Variants in HACL1 observed in about 807,000 individuals in gnomAD.
HACL1 encodes 2-hydroxyacyl-CoA lyase 1.
Under a neutral mutation model 74.2 loss-of-function variants are expected in HACL1, and 64 were observed. That is an observed-to-expected ratio of 0.86 (90% confidence interval 0.70 to 1.06). HACL1 has a LOEUF of 1.06. Among genes scored for constraint, HACL1 ranks in the 50% least tolerant of loss-of-function variants. The pLI is 0.00. For missense variants in HACL1, 728 were observed against 719.7 expected (o/e 1.01, Z -0.13); for synonymous variants, 230 against 238.8 (o/e 0.96, Z 0.34).
intron 11 of HACL1, 80 bp downstream of exon 11, chr3:15,573,079 G>T: frequency 1.2e-6 from 1 of 807,110 alleles, no homozygotes; most frequent in Non-Finnish European, 2.2e-6. Flanking sequence ...CCGTTACCAA[G>T]TGAATCAAGA....
intron 2 of HACL1, among the ~76,000 whole-genome samples, chr3:15,598,791 T>G (rs560986353): frequency 3.3e-5 from 5 of 152,342 alleles, no homozygotes; most frequent in African/African-American, 1.2e-4. Flanking sequence ...CTACCCTTAG[T>G]TCAGGTACCA....
At chr3:15,600,095 G>A (rs2064166198) in intron 2 of HACL1, among the ~76,000 whole-genome samples, 1 of 152,190 alleles carries the variant, frequency 6.6e-6, no homozygotes, top group Non-Finnish European at 1.5e-5. Flanking sequence ...AATAAAGAAT[G>A]TCATTCAATA....
At chr3:15,565,252 A>AT (rs2063413593) in intron 14 of HACL1, among the ~76,000 whole-genome samples, 1 of 152,132 alleles carries the variant, frequency 6.6e-6, no homozygotes, top group African/African-American at 2.4e-5. Flanking sequence ...CTGGGTTTTC[A>AT]TAAGTCTAGA....
At chr3:15,597,390 C>T (rs1032503768) in intron 2 of HACL1, among the ~76,000 whole-genome samples, 6 of 152,016 alleles carry the variant, frequency 3.9e-5, no homozygotes, top group Non-Finnish European at 5.9e-5. Flanking sequence ...TACCTTGTAA[C>T]TCTACTTCAG....
chr3:15,563,357 C>T lies in HACL1; in HGVS notation c.1704+1G>A, dbSNP rs368184208. 1 of 1,608,524 alleles carries T rather than the reference C, an allele frequency of 6.2e-7. No individual in the cohort carries two copies. The highest frequency in any genetic ancestry group is 1.3e-5 in the African/African-American group (1 of 74,776). The stretch of plus-strand genomic sequence containing the variant: ...GCTTTCTGCTTAGCAACTGTATTTA[C>T]CTGGGCCTTCCGTGTGGCTTGTGGC... On this transcript the variant is annotated splice_donor_variant, in intron 16 of 16. Transcript: ENST00000321169. LOFTEE classifies it high-confidence loss of function.
At chr3:15,563,711 A>G (rs1349857357) in intron 15 of HACL1, among the ~76,000 whole-genome samples, 167 bp from the exon 16 acceptor site, 2 of 152,214 alleles carry the variant, frequency 1.3e-5, no homozygotes, top group African/African-American at 4.8e-5. Context: ...TCCTATATTT[A>G]TAATTGTCTA....
chr3:15,566,816 T>A (rs1369036415), intron 14 of HACL1, among the ~76,000 whole-genome samples: 1 of 86,498 alleles, frequency 1.2e-5, no homozygotes, highest in African/African-American at 6.0e-5. Flanking sequence ...GTTAAGTGAC[T>A]TTTTTTTTTT....
intron 2 of HACL1, among the ~76,000 whole-genome samples, chr3:15,598,701 C>T (rs964388507): frequency 1.3e-5 from 2 of 152,218 alleles, no homozygotes; most frequent in African/African-American, 2.4e-5. Flanking sequence ...AAGTCACACC[C>T]AACTACATCT....
chr3:15,583,014 T>A, intron 7 of HACL1, 25 bp from the exon 8 acceptor site: 1 of 1,067,716 alleles, frequency 9.4e-7, no homozygotes, highest in South Asian at 1.3e-5. Flanking sequence ...CCCTATTAAT[T>A]AAAAGAGGCC....
At chr3:15,597,940 A>T (rs978092784) in intron 2 of HACL1, among the ~76,000 whole-genome samples, 6 of 152,328 alleles carry the variant, frequency 3.9e-5, no homozygotes, top group Admixed American at 3.9e-4. Flanking sequence ...AACAACACGT[A>T]ACAAAAAGTA....
intron 3 of HACL1, among the ~76,000 whole-genome samples, chr3:15,592,637 T>A (rs1397254460): frequency 5.6e-5 from 1 of 17,792 alleles, no homozygotes; most frequent in Non-Finnish European, 1.1e-4. Context: ...TACGCACATG[T>A]GTGCGTGTAT....
At chr3:15,563,221 A>G (rs1214367698) in intron 16 of HACL1, 137 bp downstream of exon 16, 3 of 630,192 alleles carry the variant, frequency 4.8e-6, no homozygotes, top group South Asian at 4.1e-5. Flanking sequence ...GAACAAGTAC[A>G]TGAAACTGCC....
intron 3 of HACL1, among the ~76,000 whole-genome samples, chr3:15,595,497 G>C (rs949127035): frequency 6.6e-6 from 1 of 151,642 alleles, no homozygotes; most frequent in Admixed American, 6.6e-5. Context: ...ATTCCTGTGA[G>C]AGTCCAAATT....
Position 15,588,725 on chromosome 3 carries a change from A to G in HACL1, c.381+815T>C, listed in dbSNP as rs184875422. 2.1e-3 allele frequency among the ~76,000 whole-genome samples: 314 copies of G among 152,014 alleles called. 1 individual carries two copies. Among genetic ancestry groups the G allele is most frequent in the Middle Eastern group, 3.4e-3 (1 of 294 alleles). On this transcript the variant is annotated intron_variant, in intron 5 of 16. Transcript: ENST00000321169. ...CAGCCTAGTAGCTGAGTAGCTAGGA[A>G]TACAGTTACGAACCACGTGTCCAGC...
intron 5 of HACL1, among the ~76,000 whole-genome samples, chr3:15,588,462 G>T (rs116585599): frequency 1.3e-5 from 2 of 152,072 alleles, no homozygotes; most frequent in Non-Finnish European, 2.9e-5. Flanking sequence ...GCATGGTGGC[G>T]TGTGCCTATA....
chr3:15,591,671 G>T lies in HACL1; in HGVS notation c.237C>A (p.Val79=). The part of the protein sequence containing the change: ...AIGYLTSRPG[V]CLVVSGPGLI... Reference sequence around the variant, plus strand: ...GACCTGGGCCAGAAACAACAAGGCAGACTCCTGGCCTAAAAGCAAAACAGA... The same window carrying T: ...GACCTGGGCCAGAAACAACAAGGCATACTCCTGGCCTAAAAGCAAAACAGA... Residue 79 remains valine (V), a synonymous_variant, in exon 4 of 17, where the codon GTC becomes GTA. Coordinates refer to ENST00000321169, the MANE Select transcript of HACL1 (RefSeq NM_012260.4). The T allele has an allele frequency of 1.2e-6, 2 of 1,609,648 alleles. No individual in the cohort carries two copies. The highest frequency in any genetic ancestry group is 2.2e-5 in the South Asian group (2 of 90,882).
rs763656180 is a variant in HACL1, at chr3:15,560,824, C to G, written c.*41G>C. ...CTGTGGAAAATAAAATTTCATCTTG[C>G]AAGAAAGAGAAAACTCAAGACCACC... On this transcript the variant is annotated 3_prime_UTR_variant, in exon 17 of 17. Transcript: ENST00000321169. 2 of 1,439,294 alleles carry G rather than the reference C, an allele frequency of 1.4e-6. No individual in the cohort carries two copies. Among genetic ancestry groups the G allele is most frequent in the Non-Finnish European group, 1.9e-6 (2 of 1,031,022 alleles). The allele number at this position is 1,439,294 out of a possible 1,614,324, so 89.2% of individuals were successfully genotyped here.
intron 16 of HACL1, among the ~76,000 whole-genome samples, chr3:15,561,837 T>C (rs1341344766): frequency 1.3e-5 from 2 of 152,174 alleles, no homozygotes; most frequent in Non-Finnish European, 2.9e-5. Context: ...TGCACCACCA[T>C]GCCCAGTTAA....
chr3:15,571,135 C>T (rs1300795052), intron 12 of HACL1, among the ~76,000 whole-genome samples: 1 of 151,654 alleles, frequency 6.6e-6, no homozygotes, highest in African/African-American at 2.4e-5. Context: ...TGTGCCACCA[C>T]ATCTGGCTTT....
Sources: allele counts gnomAD v4.1 joint callset (sites outside exome capture counted in the v4.1 genomes callset), GRCh38; gene constraint gnomAD v4.1.1; transcripts MANE v1.5; gene names NCBI Gene and HGNC (gene_info 2026-07-23, HGNC 2026-07-21).